ZMYND10: variants seen among roughly 807,000 people sequenced by gnomAD.
ZMYND10 encodes the protein zinc finger MYND-type containing 10.
Under a neutral mutation model 62.6 loss-of-function variants are expected in ZMYND10, and 52 were observed. That is an observed-to-expected ratio of 0.83 (90% CI 0.67 to 1.05). ZMYND10 has a LOEUF of 1.05. Among genes scored for constraint, ZMYND10 ranks in the 50% least tolerant of loss-of-function variants. The probability of loss-of-function intolerance (pLI) is 0.00; values close to 1 mark genes in which losing one functional copy is unlikely to be tolerated. For synonymous variants in ZMYND10, 197 were observed against 218.5 expected, an observed-to-expected ratio of 0.90 and a Z score of 0.87; for missense variants, 438 against 543.3, an observed-to-expected ratio of 0.81 and a Z score of 1.93.
At chr3:50,342,604 T>C in intron 7 of ZMYND10, 35 bp from the exon 8 acceptor site, 1 of 1,593,100 alleles carries the variant, frequency 6.3e-7, no homozygotes, top group Non-Finnish European at 8.6e-7. Context: ...GGTGCAGACG[T>C]TGAATTCTCT....
Position 50,341,709 on chromosome 3 carries a change from A to G in ZMYND10, c.1122-10T>C, listed in dbSNP as rs1703383044. The G allele has an allele frequency of 6.2e-7, 1 of 1,614,028 alleles. No homozygotes were observed. The highest frequency in any genetic ancestry group is 1.3e-5 in the African/African-American group (1 of 75,070). ...GTAGGTCTCAGCCCACCTGGGGGAA[A>G]GTCAGGAAGGTCTGACTGGCCCTGG... On this transcript the variant is annotated splice_polypyrimidine_tract_variant and intron_variant, in intron 10 of 11. Coordinates refer to ENST00000231749, the MANE Select transcript of ZMYND10 (RefSeq NM_015896.4).
At position 50,342,108 on chromosome 3, in the gene ZMYND10, G is replaced by T; in HGVS notation, c.906C>A (p.Asp302Glu). 6.2e-7 allele frequency: 1 copy of T among 1,613,266 alleles called. No individual in the cohort carries two copies. Among genetic ancestry groups the T allele is most frequent in the Non-Finnish European group, 8.5e-7 (1 of 1,179,674 alleles). ...LRAFLTDTLL[D>E]QLPNLAHLQS... is the part of the protein sequence containing the mutation. Reference sequence around the variant, plus strand: ...GCAAGTGGGCCAGGTTGGGCAGCTGGTCCAGCAGTGTGTCTGTGAGGAAGG... The same window carrying T: ...GCAAGTGGGCCAGGTTGGGCAGCTGTTCCAGCAGTGTGTCTGTGAGGAAGG... The change falls in exon 9 of 12, where the codon GAC becomes GAA. Residue 302 changes from aspartate to glutamate, a missense_variant. Transcript: ENST00000231749.
chr3:50,342,810 T>C, intron 7 of ZMYND10, 108 bp downstream of exon 7: 1 of 1,474,022 alleles, frequency 6.8e-7, no homozygotes, highest in Non-Finnish European at 9.2e-7. Flanking sequence ...GTATCCTCAG[T>C]GGGCTTGGGG....
chr3:50,345,427 G>A lies in ZMYND10; in HGVS notation c.92+61C>T. On this transcript the variant is annotated intron_variant, in intron 1 of 11. Coordinates refer to ENST00000231749, the MANE Select transcript of ZMYND10 (RefSeq NM_015896.4). This position sits in a 1 kb window ranked among gnomAD's most constrained non-coding sequence, Gnocchi z 5.0. Reference sequence around the variant, plus strand: ...CTGGGCAGCCCCTCCCCCGAGTCAGGCCCCAGCTCCCCGACTCAAGGACAA... The same window carrying A: ...CTGGGCAGCCCCTCCCCCGAGTCAGACCCCAGCTCCCCGACTCAAGGACAA... 6.5e-7 allele frequency: 1 copy of A among 1,546,860 alleles called. No homozygotes were observed. The highest frequency in any genetic ancestry group is 8.7e-7 in the Non-Finnish European group (1 of 1,143,376).
Position 50,345,258 on chromosome 3 carries a change from C to T in ZMYND10, c.93-26G>A, listed in dbSNP as rs200188580. 263 of 1,606,566 alleles carry T rather than the reference C, an allele frequency of 1.6e-4. 2 individuals are homozygous for T. In the Admixed American group the frequency reaches 4.3e-3, roughly 26 times the overall value. ...CTGCCTCAGAGGGTAAGTGCATGTG[C>T]GTCCACGTGTGTGCATTAGGAGTGG... On this transcript the variant is annotated intron_variant, in intron 1 of 11. Transcript: ENST00000231749. This position sits in a 1 kb window ranked among gnomAD's most constrained non-coding sequence, Gnocchi z 5.0.
Position 50,343,810 on chromosome 3 carries a change from C to T in ZMYND10, c.242G>A (p.Trp81Ter). The T allele has an allele frequency of 1.9e-6, 3 of 1,614,196 alleles. No homozygotes were observed. In the South Asian group the frequency reaches 3.3e-5, roughly 18 times the overall value. ...LVEELIAVEM[W>*]KQKVFPVFCR... The stretch of plus-strand genomic sequence containing the variant: ...GAACACAGGGAACACCTTCTGCTTC[C>T]ACATCTCCACTGCGATCAGCTCCTC... Residue 81 changes from tryptophan (W) to a stop codon, truncating the protein, a stop_gained, in exon 3 of 12, where the codon TGG (tryptophan) becomes TAG (stop). Coordinates refer to ENST00000231749, the MANE Select transcript of ZMYND10 (RefSeq NM_015896.4). LOFTEE classifies it high-confidence loss of function.
At position 50,345,507 on chromosome 3, in the gene ZMYND10, G is replaced by T. The variant is rs769766748; in HGVS notation, c.73C>A (p.Arg25Ser). The T allele has an allele frequency of 1.9e-6, 3 of 1,606,916 alleles. No homozygotes were observed. In the African/African-American group the frequency reaches 4.0e-5, roughly 21 times the overall value. ...CCTCACCCTTCGGAGCCCATCTCGC[G>T]TAGCGGGAAGCTGCGCAGACCCCGC... ...LVRGLRSFPL[R>S]EMGSEGWNQQ... The change falls in exon 1 of 12, where the codon CGC becomes AGC. Residue 25 changes from arginine to serine, a missense_variant. By Grantham distance (110) the Arg-to-Ser change is moderately radical. Coordinates refer to ENST00000231749, the MANE Select transcript of ZMYND10 (RefSeq NM_015896.4). The surrounding 1 kb of genome is among the most constrained non-coding windows in gnomAD (Gnocchi z 5.0).
In ZMYND10 at chr3:50,345,244, G is replaced by T. The variant is rs747105839; in HGVS notation, c.93-12C>A. The stretch of plus-strand genomic sequence containing the variant: ...GCTGCTGGTTCCACCTGCCTCAGAG[G>T]GTAAGTGCATGTGCGTCCACGTGTG... On this transcript the variant is annotated splice_polypyrimidine_tract_variant and intron_variant, in intron 1 of 11. Transcript: ENST00000231749. This position sits in a 1 kb window ranked among gnomAD's most constrained non-coding sequence, Gnocchi z 5.0. The T allele has an allele frequency of 1.7e-5, 28 of 1,612,168 alleles. No homozygotes were observed. Among genetic ancestry groups the T allele is most frequent in the Non-Finnish European group, 1.3e-5 (15 of 1,179,216 alleles).
At chr3:50,342,166 G>T (rs767516397) in intron 8 of ZMYND10, 26 bp from the exon 9 acceptor site, 1 of 1,600,884 alleles carries the variant, frequency 6.2e-7, no homozygotes, top group Non-Finnish European at 8.5e-7. Flanking sequence ...GTGGAGGCCA[G>T]TGTGATGCAG....
chr3:50,344,459 C>G (rs908922909), intron 2 of ZMYND10, among the ~76,000 whole-genome samples: 9 of 151,796 alleles, frequency 5.9e-5, no homozygotes, highest in Non-Finnish European at 1.2e-4. Context: ...GCTGGGATTA[C>G]AGGTGTGCAC....
intron 2 of ZMYND10, 75 bp from the exon 3 acceptor site, chr3:50,343,925 G>T: frequency 2.2e-6 from 3 of 1,341,476 alleles, no homozygotes; most frequent in East Asian, 2.3e-5. Context: ...CCCCGGCTCA[G>T]CTCAACCCTG....
chr3:50,345,345 A>G lies in ZMYND10; in HGVS notation c.93-113T>C. 2 of 1,498,350 alleles carry G rather than the reference A, an allele frequency of 1.3e-6. No homozygotes were observed. Among genetic ancestry groups the G allele is most frequent in the Non-Finnish European group, 9.1e-7 (1 of 1,103,812 alleles). The allele number at this position is 1,498,350 out of a possible 1,614,324, so 92.8% of individuals were successfully genotyped here. ...CCTGAGGGGACACAGGGGGCTCAGG[A>G]GCAGTAATACTCCTGTCTCGGAACG... On this transcript the variant is annotated intron_variant, in intron 1 of 11. Coordinates refer to ENST00000231749, the MANE Select transcript of ZMYND10 (RefSeq NM_015896.4). The surrounding 1 kb of genome is among the most constrained non-coding windows in gnomAD (Gnocchi z 5.0).
At chr3:50,342,249 A>T in intron 8 of ZMYND10, 109 bp from the exon 9 acceptor site, 1 of 1,578,920 alleles carries the variant, frequency 6.3e-7, no homozygotes, top group Non-Finnish European at 8.6e-7. Context: ...CCCATGTCCC[A>T]CTAGCTGGTG....
Position 50,341,279 on chromosome 3 carries a change from T to TA in ZMYND10, c.*130dup. ...GAGGAGGGAGATCGGTCAGCAGCTT[T>TA]ACCGCCCGCTCTGCTCTCCACTGCG... On this transcript the variant is annotated 3_prime_UTR_variant, in exon 12 of 12. Transcript: ENST00000231749. 2 of 1,149,624 alleles carry TA rather than the reference T, an allele frequency of 1.7e-6. No homozygotes were observed. Among genetic ancestry groups the TA allele is most frequent in the Non-Finnish European group, 1.2e-6 (1 of 806,826 alleles). The allele number at this position is 1,149,624 out of a possible 1,614,324, so 71.2% of individuals were successfully genotyped here.
At chr3:50,342,863 A>C (rs1378916612) in intron 7 of ZMYND10, 55 bp downstream of exon 7, 1 of 1,592,144 alleles carries the variant, frequency 6.3e-7, no homozygotes, top group African/African-American at 1.3e-5. Flanking sequence ...CCCTCTATCA[A>C]AAAGATACCC....
rs200956176 is a variant in ZMYND10 at position 50,343,391 on chromosome 3, G to A, written c.426C>T (p.His142=). The A allele has an allele frequency of 3.1e-6, 5 of 1,613,648 alleles. No homozygotes were observed. In the African/African-American group the frequency reaches 4.0e-5, roughly 13 times the overall value. ...DTVLDLVDYC[H]RKLTLLVAQS... ...GGGCCACCAGCAGGGTCAGTTTGCG[G>A]TGGCAATAGTCTACCAAGTCCAAGA... The change falls in exon 5 of 12, where the codon CAC becomes CAT. Residue 142 remains histidine, a synonymous_variant. Transcript: ENST00000231749.
At position 50,345,477 on chromosome 3, in the gene ZMYND10, G is replaced by A. The variant is rs1177457234; in HGVS notation, c.92+11C>T. The A allele has an allele frequency of 1.9e-6, 3 of 1,589,854 alleles. No homozygotes were observed. The highest frequency in any genetic ancestry group is 1.3e-5 in the African/African-American group (1 of 74,456). On this transcript the variant is annotated intron_variant, in intron 1 of 11. Coordinates refer to ENST00000231749, the MANE Select transcript of ZMYND10 (RefSeq NM_015896.4). This position sits in a 1 kb window ranked among gnomAD's most constrained non-coding sequence, Gnocchi z 5.0. ...ATGACTCCGGGACTCCGCCTGACCCGGGTGCCTCACCCTTCGGAGCCCATC... is the reference window on the plus strand; with the variant it reads ...ATGACTCCGGGACTCCGCCTGACCCAGGTGCCTCACCCTTCGGAGCCCATC...
Position 50,345,380 on chromosome 3 carries a change from C to T in ZMYND10, c.92+108G>A, listed in dbSNP as rs1053533638. 24 of 1,511,274 alleles carry T rather than the reference C, an allele frequency of 1.6e-5. No homozygotes were observed. Among genetic ancestry groups the T allele is most frequent in the South Asian group, 1.2e-4 (10 of 80,710 alleles). 93.6% of individuals were successfully genotyped at this position (1,511,274 alleles called of 1,614,324 possible). A position where few individuals can be genotyped will look rare whatever the true frequency, so the allele number is the denominator to read the frequency against. On this transcript the variant is annotated intron_variant, in intron 1 of 11. Transcript: ENST00000231749. This position sits in a 1 kb window ranked among gnomAD's most constrained non-coding sequence, Gnocchi z 5.0. ...CTCCTGTCTCGGAACGCTCTGCTCC[C>T]CCATTTGGGAGCCCCTCCACACTGG...
rs760352188 is a variant in ZMYND10 at position 50,345,619 on chromosome 3, G to A, written c.-40C>T. 1.9e-6 allele frequency: 3 copies of A among 1,551,616 alleles called. No homozygotes were observed. The highest frequency in any genetic ancestry group is 1.2e-5 in the South Asian group (1 of 84,088). On this transcript the variant is annotated 5_prime_UTR_variant, in exon 1 of 12. Transcript: ENST00000231749. This position sits in a 1 kb window ranked among gnomAD's most constrained non-coding sequence, Gnocchi z 5.0. Reference sequence around the variant, plus strand: ...CCGGCGGATCCTGGGCAGCAGCCGGGGTGGGGATGCTGTCACATTCGGGGA... The same window carrying A: ...CCGGCGGATCCTGGGCAGCAGCCGGAGTGGGGATGCTGTCACATTCGGGGA...
Sources: allele counts gnomAD v4.1 joint callset (sites outside exome capture counted in the v4.1 genomes callset), GRCh38; gene constraint gnomAD v4.1.1; non-coding constraint Gnocchi (gnomAD v3.1); transcripts MANE v1.5; gene names NCBI Gene and HGNC (gene_info 2026-07-23, HGNC 2026-07-21).